Variants in PTPRD observed in about 807,000 individuals in gnomAD.
The protein encoded by PTPRD is receptor-type tyrosine-protein phosphatase delta.
PTPRD carries 34 observed loss-of-function variants against 214.5 expected under a neutral mutation model. The ratio of observed to expected loss-of-function variants is 0.16; its 90% CI spans 0.12 to 0.21. The LOEUF is 0.21. Ranked by LOEUF, PTPRD falls within the 10% of genes least tolerant of loss-of-function variation. The probability of loss-of-function intolerance (pLI) is 1.00; values close to 1 mark genes in which losing one functional copy is unlikely to be tolerated. For missense variants in PTPRD, 2,545 were observed against 2,398.7 expected (o/e 1.06, Z -1.27); for synonymous variants, 1,128 against 845.7 (o/e 1.33, Z -5.79).
chr9:8,835,725 C>T lies in PTPRD; in HGVS notation c.-103-101779G>A, dbSNP rs976697568. On this transcript the variant is annotated intron_variant, in intron 11 of 45. Transcript: ENST00000381196. Reference sequence around the variant, plus strand: ...TTTTTACTTTTATTTTTTGTAGAGACGAGGGTCTCTCTATGCTGCCCAGGC... The same window carrying T: ...TTTTTACTTTTATTTTTTGTAGAGATGAGGGTCTCTCTATGCTGCCCAGGC... Among the ~76,000 whole-genome samples the T allele has an allele frequency of 2.6e-5, 4 of 151,900 alleles. 1 individual carries two copies. Among genetic ancestry groups the T allele is most frequent in the African/African-American group, 9.7e-5 (4 of 41,364 alleles).
intron 9 of PTPRD, among the ~76,000 whole-genome samples, chr9:9,392,474 C>A (rs1237788562): frequency 1.3e-5 from 2 of 152,128 alleles, no homozygotes; most frequent in Non-Finnish European, 2.9e-5. Flanking sequence ...TCAGTAGATA[C>A]AAAATTACCA....
chr9:9,691,211 G>A (rs536327563), intron 7 of PTPRD, among the ~76,000 whole-genome samples: 26 of 151,810 alleles, frequency 1.7e-4, no homozygotes, highest in Admixed American at 5.9e-4. Flanking sequence ...AATAGTCCCC[G>A]TTTTGTGAAA....
At chr9:9,603,267 G>C (rs970614539) in intron 7 of PTPRD, among the ~76,000 whole-genome samples, 7 of 152,122 alleles carry the variant, frequency 4.6e-5, no homozygotes, top group African/African-American at 1.7e-4. Context: ...AATAGTATGA[G>C]CTCCTACACC....
intron 10 of PTPRD, among the ~76,000 whole-genome samples, chr9:9,133,852 A>C (rs2099846609): frequency 6.6e-6 from 1 of 152,242 alleles, no homozygotes; most frequent in Admixed American, 6.5e-5. Flanking sequence ...TAAGGGCATC[A>C]ACACAGTCCC....
intron 10 of PTPRD, among the ~76,000 whole-genome samples, chr9:9,030,464 T>C (rs1010421282): frequency 6.6e-6 from 1 of 151,824 alleles, no homozygotes; most frequent in African/African-American, 2.4e-5. Flanking sequence ...CTTTTTTGTG[T>C]ACATACCAAG....
intron 7 of PTPRD, among the ~76,000 whole-genome samples, chr9:9,603,818 T>C (rs2093956612): frequency 6.6e-6 from 1 of 150,568 alleles, no homozygotes; most frequent in Non-Finnish European, 1.5e-5. Context: ...GAACTTTTAG[T>C]AAGAGTAAAA....
At chr9:9,204,199 T>C (rs572853623) in intron 9 of PTPRD, among the ~76,000 whole-genome samples, 2 of 152,356 alleles carry the variant, frequency 1.3e-5, no homozygotes, top group African/African-American at 2.4e-5. Flanking sequence ...CTTTGGGGAA[T>C]TGAGTTGGTA....
intron 5 of PTPRD, among the ~76,000 whole-genome samples, chr9:9,779,068 A>G (rs1179229018): frequency 3.0e-5 from 4 of 135,008 alleles, no homozygotes; most frequent in Non-Finnish European, 4.7e-5. Flanking sequence ...GTGATCTTTC[A>G]TAAGACTGAC....
intron 14 of PTPRD, among the ~76,000 whole-genome samples, chr9:8,588,005 G>A (rs761923473): frequency 3.3e-5 from 5 of 152,204 alleles, no homozygotes; most frequent in South Asian, 2.1e-4. Flanking sequence ...CCAGCCAATG[G>A]GCAATTCTCC....
chr9:9,091,872 T>C (rs1193625340), intron 10 of PTPRD, among the ~76,000 whole-genome samples: 1 of 152,212 alleles, frequency 6.6e-6, no homozygotes, highest in Non-Finnish European at 1.5e-5. Flanking sequence ...TTGGGTTTTG[T>C]GTTGAGTGTG....
chr9:9,408,626 A>G (rs575951103), intron 8 of PTPRD, among the ~76,000 whole-genome samples: 33 of 152,026 alleles, frequency 2.2e-4, no homozygotes, highest in Admixed American at 2.0e-3. Flanking sequence ...GGAACCCGAC[A>G]TTACATTAAG....
intron 7 of PTPRD, among the ~76,000 whole-genome samples, chr9:9,723,561 G>T (rs546579484): frequency 2.7e-4 from 41 of 152,136 alleles, no homozygotes; most frequent in African/African-American, 8.9e-4. Context: ...TTTCTACAAA[G>T]AAGTGAGCTG....
intron 8 of PTPRD, among the ~76,000 whole-genome samples, chr9:9,514,349 T>A (rs908498431): frequency 6.6e-6 from 1 of 152,080 alleles, no homozygotes; most frequent in Non-Finnish European, 1.5e-5. Context: ...TACACAGGGA[T>A]CTGGATAGTT....
At chr9:10,014,510 G>C (rs1162431931) in intron 4 of PTPRD, among the ~76,000 whole-genome samples, 3 of 152,024 alleles carry the variant, frequency 2.0e-5, no homozygotes, top group Non-Finnish European at 4.4e-5. Context: ...TAACATGAAA[G>C]ACAATTGTAT....
intron 2 of PTPRD, among the ~76,000 whole-genome samples, chr9:10,342,896 T>C (rs2096970065): frequency 6.6e-6 from 1 of 151,878 alleles, no homozygotes; most frequent in African/African-American, 2.4e-5. Flanking sequence ...ACTAAAAAGG[T>C]TGGATTTCTG....
chr9:8,384,346 C>T (rs1261165310), intron 37 of PTPRD, among the ~76,000 whole-genome samples: 2 of 151,954 alleles, frequency 1.3e-5, no homozygotes, highest in Non-Finnish European at 2.9e-5. Flanking sequence ...GAATGACTTG[C>T]TACAGAATCA....
At chr9:8,685,958 A>C (rs922734143) in intron 12 of PTPRD, among the ~76,000 whole-genome samples, 1 of 152,222 alleles carries the variant, frequency 6.6e-6, no homozygotes, top group Non-Finnish European at 1.5e-5. Flanking sequence ...AGCTGCTTTC[A>C]GCGGCTCATT....
chr9:9,266,651 A>T (rs1241490990), intron 9 of PTPRD, among the ~76,000 whole-genome samples: 1 of 151,334 alleles, frequency 6.6e-6, no homozygotes, highest in African/African-American at 2.4e-5. Flanking sequence ...ATAAGTAAAA[A>T]TTAAGTATAA....
chr9:10,551,412 GTC>G (rs912902944), intron 2 of PTPRD, among the ~76,000 whole-genome samples: 1 of 152,082 alleles, frequency 6.6e-6, no homozygotes, highest in African/African-American at 2.4e-5. Context: ...TGGTTTGAAT[GTC>G]TATGTTCCTC....
Sources: gnomAD v4.1 joint callset for allele counts (sites outside exome capture counted in the v4.1 genomes callset) on GRCh38, gnomAD v4.1.1 for gene constraint, MANE v1.5 for transcripts, NCBI Gene and HGNC (gene_info 2026-07-23, HGNC 2026-07-21) for gene names.